The following PRUNE2 variants were observed in gnomAD, a reference collection of about 807,000 sequenced individuals.
PRUNE2 encodes the protein protein prune homolog 2.
Under a neutral mutation model 252.0 loss-of-function variants are expected in PRUNE2, and 164 were observed. The observed-to-expected ratio is 0.65, with a 90% CI of 0.57 to 0.74. PRUNE2 has a LOEUF of 0.74. PRUNE2 is among the 30% of genes least tolerant of loss of function. The pLI, the probability that PRUNE2 is intolerant of heterozygous loss-of-function variation, is 0.00. For missense variants in PRUNE2, 3,495 were observed against 3,711.0 expected (o/e 0.94, Z 1.51); for synonymous variants, 1,292 against 1,350.2 (o/e 0.96, Z 0.94).
chr9:76,782,391 G>C (rs561322786), intron 6 of PRUNE2, among the ~76,000 whole-genome samples: 7 of 152,134 alleles, frequency 4.6e-5, no homozygotes, highest in Non-Finnish European at 7.4e-5. Flanking sequence ...GAGTAGTTAA[G>C]ACCATGAACG....
chr9:76,677,171 T>C (rs2042741802), intron 9 of PRUNE2, among the ~76,000 whole-genome samples: 2 of 152,256 alleles, frequency 1.3e-5, no homozygotes, highest in South Asian at 4.1e-4. Flanking sequence ...TCCAATTCAA[T>C]AGTTTCTCTT....
intron 9 of PRUNE2, among the ~76,000 whole-genome samples, chr9:76,686,464 T>G (rs2044103428): frequency 6.6e-6 from 1 of 152,236 alleles, no homozygotes; most frequent in African/African-American, 2.4e-5. Context: ...ATTTTTGTTT[T>G]TATTTTTTTG....
chr9:76,662,090 A>G (rs796821679), intron 9 of PRUNE2, among the ~76,000 whole-genome samples: 1 of 152,248 alleles, frequency 6.6e-6, no homozygotes, highest in African/African-American at 2.4e-5. Context: ...AAGCAGCTAA[A>G]GAAGTTCCTA....
chr9:76,868,130 T>C (rs904448489), intron 1 of PRUNE2, among the ~76,000 whole-genome samples: 1 of 152,020 alleles, frequency 6.6e-6, no homozygotes, highest in Admixed American at 6.6e-5. Flanking sequence ...GATTTCTTTA[T>C]TAACTGTTTC....
At chr9:76,780,011 C>T (rs965635294) in intron 6 of PRUNE2, 4 of 152,118 alleles carry the variant, frequency 2.6e-5, no homozygotes, top group African/African-American at 9.7e-5. Context: ...TAAAATCCAT[C>T]GTCAGACAAG....
intron 9 of PRUNE2, among the ~76,000 whole-genome samples, chr9:76,693,287 T>TGG (rs368666937): frequency 1.4e-5 from 2 of 138,224 alleles, no homozygotes; most frequent in Admixed American, 7.5e-5. Flanking sequence ...CTTTTTTTGA[T>TGG]GGGGGGGGCA....
intron 6 of PRUNE2, among the ~76,000 whole-genome samples, chr9:76,723,936 T>C (rs964203466): frequency 3.3e-5 from 5 of 150,662 alleles, no homozygotes; most frequent in Non-Finnish European, 5.9e-5. Context: ...GCCTCCCGAG[T>C]AGCTGGGACT....
intron 1 of PRUNE2, among the ~76,000 whole-genome samples, chr9:76,874,529 A>T (rs911901007): frequency 9.9e-5 from 15 of 152,206 alleles, no homozygotes; most frequent in Non-Finnish European, 2.1e-4. Flanking sequence ...ATTAAAAAGA[A>T]ATGAAAACTT....
chr9:76,737,804 C>G (rs766386922), intron 6 of PRUNE2: 1 of 152,188 alleles, frequency 6.6e-6, no homozygotes, highest in Non-Finnish European at 1.5e-5. Flanking sequence ...CTCCTAAAAC[C>G]AGCAGTGATT....
At chr9:76,828,042 G>A (rs376176652) in intron 4 of PRUNE2, among the ~76,000 whole-genome samples, 5 of 152,264 alleles carry the variant, frequency 3.3e-5, no homozygotes, top group East Asian at 1.9e-4. Context: ...TGAAGCTCAC[G>A]GGAGATTAGA....
At chr9:76,685,103 T>G (rs2043940483) in intron 9 of PRUNE2, among the ~76,000 whole-genome samples, 1 of 152,218 alleles carries the variant, frequency 6.6e-6, no homozygotes, top group Admixed American at 6.5e-5. Flanking sequence ...TGACTTCTCT[T>G]AAGACTCAGC....
chr9:76,783,898 TA>T (rs2054694107), intron 6 of PRUNE2: 1 of 152,200 alleles, frequency 6.6e-6, no homozygotes, highest in African/African-American at 2.4e-5. Context: ...GTAAGTGCTT[TA>T]TAAAGCACTC....
chr9:76,639,963 A>G (rs900452034), intron 12 of PRUNE2, among the ~76,000 whole-genome samples: 4 of 152,242 alleles, frequency 2.6e-5, no homozygotes, highest in African/African-American at 4.8e-5. Context: ...AACTCACAGC[A>G]GGTGTCAGTC....
chr9:76,714,317 C>T (rs770954347), intron 6 of PRUNE2, among the ~76,000 whole-genome samples: 4 of 152,112 alleles, frequency 2.6e-5, no homozygotes, highest in Non-Finnish European at 5.9e-5. Flanking sequence ...ATCCCAATAC[C>T]TCAGATTACC....
Position 76,659,561 on chromosome 9 carries a change from C to T in PRUNE2, c.8277-4059G>A, listed in dbSNP as rs974060150. 2.0e-5 allele frequency among the ~76,000 whole-genome samples: 3 copies of T among 152,262 alleles called. No individual in the cohort carries two copies. In the East Asian group the frequency reaches 5.8e-4, roughly 29 times the overall value. The stretch of plus-strand genomic sequence containing the variant: ...TATTTTGAGAGGAATGTTTGTATCA[C>T]TAGTGTACAGGTTGAGTATCCCTTA... On this transcript the variant is annotated intron_variant, in intron 9 of 18. Transcript: ENST00000376718.
At chr9:76,723,862 C>T (rs896021187) in intron 6 of PRUNE2, among the ~76,000 whole-genome samples, 45 of 147,036 alleles carry the variant, frequency 3.1e-4, no homozygotes, top group African/African-American at 9.9e-4. Context: ...GGCTGGGGTG[C>T]AGTGGTGCGA....
chr9:76,826,555 G>C, intron 5 of PRUNE2, 25 bp downstream of exon 5: 19 of 1,528,932 alleles, frequency 1.2e-5, no homozygotes, highest in Non-Finnish European at 1.7e-5. Context: ...GGAGGGACAA[G>C]AGAGCTGGGG....
intron 1 of PRUNE2, among the ~76,000 whole-genome samples, 165 bp downstream of exon 1, chr9:76,905,763 T>G (rs975477782): frequency 6.6e-6 from 1 of 152,086 alleles, no homozygotes; most frequent in African/African-American, 2.4e-5. Flanking sequence ...ATTGCCAGCT[T>G]TAAGAGCCAG....
At chr9:76,885,393 T>C (rs1298117777) in intron 1 of PRUNE2, among the ~76,000 whole-genome samples, 3 of 152,084 alleles carry the variant, frequency 2.0e-5, no homozygotes, top group Non-Finnish European at 2.9e-5. Flanking sequence ...CAAGGTGAAT[T>C]TGAGAGTCAG....
Sources: allele counts gnomAD v4.1 joint callset (sites outside exome capture counted in the v4.1 genomes callset), GRCh38; gene constraint gnomAD v4.1.1; transcripts MANE v1.5; gene names NCBI Gene and HGNC (gene_info 2026-07-23, HGNC 2026-07-21).